SHCBP1L: variants seen among roughly 807,000 people sequenced by gnomAD.
SHCBP1L encodes testicular spindle-associated protein SHCBP1L.
Under a neutral mutation model 62.5 loss-of-function variants are expected in SHCBP1L, and 67 were observed. The observed-to-expected ratio is 1.07, with a 90% CI of 0.88 to 1.31. SHCBP1L has a LOEUF of 1.31. Ranked by LOEUF, SHCBP1L falls within the 40% of genes most tolerant of loss-of-function variation. The pLI, the probability that SHCBP1L is intolerant of heterozygous loss-of-function variation, is 0.00. For missense variants in SHCBP1L, 823 were observed against 809.8 expected, an observed-to-expected ratio of 1.02 and a Z score of -0.20; for synonymous variants, 284 against 289.4, an observed-to-expected ratio of 0.98 and a Z score of 0.19.
At chr1:182,922,746 C>A (rs1241487147) in intron 6 of SHCBP1L, among the ~76,000 whole-genome samples, 1 of 152,036 alleles carries the variant, frequency 6.6e-6, no homozygotes, top group East Asian at 1.9e-4. Context: ...TGAGACACAG[C>A]TAAATTAGTG....
chr1:182,941,283 C>T (rs1201813889), intron 2 of SHCBP1L, among the ~76,000 whole-genome samples: 2 of 121,400 alleles, frequency 1.6e-5, no homozygotes, highest in Non-Finnish European at 3.4e-5. Flanking sequence ...GGAGAAAGGA[C>T]ATAAAGAGTA....
At chr1:182,934,586 T>C (rs1283097904) in intron 5 of SHCBP1L, among the ~76,000 whole-genome samples, 3 of 152,186 alleles carry the variant, frequency 2.0e-5, no homozygotes, top group African/African-American at 7.2e-5. Context: ...GATACAAGTC[T>C]ATCAGATATG....
Position 182,943,991 on chromosome 1 carries a change from C to T in SHCBP1L, c.556-3448G>A, listed in dbSNP as rs186477756. 2.0e-4 allele frequency among the ~76,000 whole-genome samples: 30 copies of T among 150,996 alleles called. No individual in the cohort carries two copies. The East Asian group carries it at 4.4e-3, about 22-fold the overall frequency. Reference sequence around the variant, plus strand: ...CAAAAATTAGCCTGGAGTGGTGGTGCGTGCCTGTAATGCCAGCTACTCAGG... The same window carrying T: ...CAAAAATTAGCCTGGAGTGGTGGTGTGTGCCTGTAATGCCAGCTACTCAGG... On this transcript the variant is annotated intron_variant, in intron 2 of 9. Transcript: ENST00000367547.
chr1:182,922,114 T>C (rs1650545930), intron 6 of SHCBP1L, among the ~76,000 whole-genome samples: 2 of 152,292 alleles, frequency 1.3e-5, no homozygotes. Flanking sequence ...CTTAAATATA[T>C]ATAATCCCAA....
chr1:182,914,674 T>A (rs1399544133), intron 6 of SHCBP1L, among the ~76,000 whole-genome samples: 3 of 149,258 alleles, frequency 2.0e-5, no homozygotes, highest in African/African-American at 7.4e-5. Context: ...AAAAAAAAAA[T>A]CATAAAACAC....
At chr1:182,935,230 T>G (rs1651129427) in intron 5 of SHCBP1L, among the ~76,000 whole-genome samples, 1 of 152,182 alleles carries the variant, frequency 6.6e-6, no homozygotes, top group African/African-American at 2.4e-5. Context: ...TGCTATGAAT[T>G]TCACTGGGAT....
intron 6 of SHCBP1L, among the ~76,000 whole-genome samples, chr1:182,906,877 G>A (rs1650032615): frequency 6.6e-6 from 1 of 152,040 alleles, no homozygotes; most frequent in East Asian, 2.0e-4. Flanking sequence ...GAGTGCAGTG[G>A]CACGATCATG....
intron 2 of SHCBP1L, among the ~76,000 whole-genome samples, chr1:182,945,739 A>G (rs1651546051): frequency 6.6e-6 from 1 of 152,196 alleles, no homozygotes; most frequent in Admixed American, 6.5e-5. Context: ...ATACATTTTC[A>G]TAGCTTTTTA....
intron 5 of SHCBP1L, among the ~76,000 whole-genome samples, chr1:182,937,482 A>G (rs1651217219): frequency 6.6e-6 from 1 of 152,100 alleles, no homozygotes; most frequent in African/African-American, 2.4e-5. Context: ...TAAATGTGAT[A>G]TGCCTAGGTG....
intron 2 of SHCBP1L, among the ~76,000 whole-genome samples, chr1:182,950,123 G>T (rs1651697982): frequency 6.6e-6 from 1 of 152,072 alleles, no homozygotes; most frequent in African/African-American, 2.4e-5. Context: ...CTTTTCCACA[G>T]AACACATATT....
chr1:182,906,448 C>T (rs78966692), intron 6 of SHCBP1L, among the ~76,000 whole-genome samples: 10 of 147,390 alleles, frequency 6.8e-5, no homozygotes, highest in South Asian at 4.3e-4. Flanking sequence ...TTTTTTTTTC[C>T]GAGATCGAAT....
chr1:182,915,219 C>CACAA (rs1650319712), intron 6 of SHCBP1L, among the ~76,000 whole-genome samples: 1 of 81,520 alleles, frequency 1.2e-5, no homozygotes, highest in South Asian at 4.9e-4. Context: ...GATTCAAAGA[C>CACAA]ACAAGTAGGT....
At chr1:182,921,626 C>A (rs1650532210) in intron 6 of SHCBP1L, among the ~76,000 whole-genome samples, 1 of 152,228 alleles carries the variant, frequency 6.6e-6, no homozygotes, top group Non-Finnish European at 1.5e-5. Context: ...CCATCTCAGG[C>A]AGGGCGTGGT....
At chr1:182,939,663 C>T (rs1419306369) in intron 3 of SHCBP1L, 110 bp from the exon 4 acceptor site, 1 of 792,424 alleles carries the variant, frequency 1.3e-6, no homozygotes, top group Non-Finnish European at 1.9e-6. Context: ...AATTCTTAAG[C>T]AAAATATTTT....
chr1:182,909,446 C>A (rs1409125340), intron 6 of SHCBP1L, among the ~76,000 whole-genome samples: 7 of 152,104 alleles, frequency 4.6e-5, no homozygotes, highest in Non-Finnish European at 8.8e-5. Context: ...AACACAAGAT[C>A]TCACAAAGAA....
intron 2 of SHCBP1L, among the ~76,000 whole-genome samples, chr1:182,944,957 C>CTTTTT (rs11309339): frequency 1.3e-3 from 147 of 109,014 alleles, no homozygotes; most frequent in Middle Eastern, 5.3e-3. Flanking sequence ...TTCTTTCTTT[C>CTTTTT]TTTTTTTTTT....
chr1:182,926,313 ATTC>A (rs1392958315), intron 6 of SHCBP1L, among the ~76,000 whole-genome samples: 4 of 152,218 alleles, frequency 2.6e-5, no homozygotes, highest in African/African-American at 7.2e-5. Context: ...AACTGATTAA[ATTC>A]TTCTTTGTAC....
chr1:182,900,369 A>T (rs1649790456), intron 9 of SHCBP1L, 135 bp from the exon 10 acceptor site: 1 of 700,160 alleles, frequency 1.4e-6, no homozygotes, highest in South Asian at 2.6e-5. Context: ...CTCAATTTTG[A>T]ACAAGTGTTA....
At position 182,930,880 on chromosome 1, in the gene SHCBP1L, C is replaced by T. The variant is rs563783787; in HGVS notation, c.1077-1128G>A. ...AGCTAGGACTACAGGCATGTGCCAC[C>T]TTGCCTGGCTTTTTTTTTTTTTTTT... On this transcript the variant is annotated intron_variant, in intron 5 of 9. Coordinates refer to ENST00000367547, the MANE Select transcript of SHCBP1L (RefSeq NM_030933.4). 1.5e-4 allele frequency among the ~76,000 whole-genome samples: 21 copies of T among 142,988 alleles called. No individual in the cohort carries two copies. In the South Asian group the frequency reaches 4.5e-3, roughly 31 times the overall value. 93.8% of individuals were successfully genotyped at this position (142,988 alleles called of 152,430 possible).
Sources: gnomAD v4.1 joint callset for allele counts (sites outside exome capture counted in the v4.1 genomes callset) on GRCh38, gnomAD v4.1.1 for gene constraint, MANE v1.5 for transcripts, NCBI Gene and HGNC (gene_info 2026-07-23, HGNC 2026-07-21) for gene names.